Variants in ICA1 observed in about 807,000 individuals in gnomAD.
The protein encoded by ICA1 is 69 kDa islet cell autoantigen.
A neutral mutation model predicts 71.0 loss-of-function variants in ICA1; 40 were observed. That is an observed-to-expected ratio of 0.56 (90% CI 0.44 to 0.73). The LOEUF (loss-of-function observed/expected upper bound fraction) is 0.73, where lower values mean the gene tolerates loss of function less well. ICA1 is among the 30% of genes least tolerant of loss of function. ICA1 has a pLI of 0.00. For synonymous variants in ICA1, 207 were observed against 209.5 expected (o/e 0.99, Z 0.10); for missense variants, 578 against 576.5 (o/e 1.00, Z -0.03).
intron 6 of ICA1, among the ~76,000 whole-genome samples, chr7:8,216,584 C>CA (rs142208758): frequency 9.0e-5 from 13 of 143,718 alleles, no homozygotes; most frequent in Non-Finnish European, 1.4e-4. Context: ...AAAACAAAAC[C>CA]AAAAAAAAAA....
At chr7:8,135,095 C>T (rs191995449) in intron 12 of ICA1, among the ~76,000 whole-genome samples, 8 of 152,146 alleles carry the variant, frequency 5.3e-5, no homozygotes, top group East Asian at 1.9e-4. Context: ...GGTGCAATCT[C>T]GGTTCACTGC....
chr7:8,227,122 T>C (rs1208074103), intron 4 of ICA1, among the ~76,000 whole-genome samples: 1 of 152,224 alleles, frequency 6.6e-6, no homozygotes, highest in Non-Finnish European at 1.5e-5. Context: ...ATTCATTTCA[T>C]GGTGAGTGCT....
chr7:8,124,110 A>C (rs930131464), intron 13 of ICA1, among the ~76,000 whole-genome samples: 1 of 141,466 alleles, frequency 7.1e-6, no homozygotes, highest in Non-Finnish European at 1.5e-5. Context: ...TGAATCATAC[A>C]ATTTTTTTTT....
chr7:8,207,833 T>C (rs547506488), intron 6 of ICA1, among the ~76,000 whole-genome samples: 9 of 152,330 alleles, frequency 5.9e-5, no homozygotes, highest in African/African-American at 1.9e-4. Flanking sequence ...GAATGGAAAC[T>C]ACCAGTTTTC....
chr7:8,215,551 T>G (rs1423460270), intron 6 of ICA1, among the ~76,000 whole-genome samples: 1 of 152,172 alleles, frequency 6.6e-6, no homozygotes, highest in African/African-American at 2.4e-5. Context: ...AAGATGGCAA[T>G]GATCAATCTG....
intron 4 of ICA1, among the ~76,000 whole-genome samples, chr7:8,225,557 A>C (rs957147963): frequency 6.6e-6 from 1 of 152,204 alleles, no homozygotes; most frequent in African/African-American, 2.4e-5. Flanking sequence ...TTTAGAAAGC[A>C]AGATCTGGGT....
intron 12 of ICA1, among the ~76,000 whole-genome samples, chr7:8,135,702 T>C (rs918682792): frequency 6.6e-6 from 1 of 152,212 alleles, no homozygotes; most frequent in African/African-American, 2.4e-5. Flanking sequence ...GACCACAATT[T>C]AGAATCACAA....
At chr7:8,121,864 A>G (rs1173407199) in intron 13 of ICA1, among the ~76,000 whole-genome samples, 1 of 152,228 alleles carries the variant, frequency 6.6e-6, no homozygotes. Context: ...AATATCTCAC[A>G]TACCCCATAA....
rs1801352670 is a variant in ICA1 at position 8,234,872 on chromosome 7, A to G, written c.17+1038T>C. Among the ~76,000 whole-genome samples the G allele has an allele frequency of 6.6e-6, 1 of 152,182 alleles. No homozygotes were observed. The highest frequency in any genetic ancestry group is 2.4e-5 in the African/African-American group (1 of 41,448). ...GGCATTCTCAAGAGTGGGCCATAGA[A>G]TGGATTTCTTTGGCCGGGCGCGGTG... On this transcript the variant is annotated intron_variant, in intron 2 of 13. Transcript: ENST00000402384. The surrounding 1 kb of genome is among the most constrained non-coding windows in gnomAD (Gnocchi z 4.5).
At position 8,232,762 on chromosome 7, in the gene ICA1, A is replaced by G; in HGVS notation, c.18-7T>C. On this transcript the variant is annotated splice_region_variant and splice_polypyrimidine_tract_variant and intron_variant, in intron 2 of 13. Transcript: ENST00000402384. ...TAAGTCCCAGGGATAACTGCTAAAA[A>G]CATTTAAAGAACTATTTTATTCACA... 1 of 1,575,994 alleles carries G rather than the reference A, an allele frequency of 6.3e-7. No individual in the cohort carries two copies. Among genetic ancestry groups the G allele is most frequent in the Non-Finnish European group, 8.6e-7 (1 of 1,163,016 alleles).
chr7:8,144,848 C>A lies in ICA1; in HGVS notation c.805-876G>T, dbSNP rs996319244. Among the ~76,000 whole-genome samples the A allele has an allele frequency of 6.6e-6, 1 of 152,208 alleles. No individual in the cohort carries two copies. Among genetic ancestry groups the A allele is most frequent in the African/African-American group, 2.4e-5 (1 of 41,458 alleles). ...TTCTCAGAACTACTAAAATCCAAGT[C>A]ATGAGCCTGGGGCCTTCACCTTGTT... On this transcript the variant is annotated intron_variant, in intron 8 of 13. Transcript: ENST00000402384. This position sits in a 1 kb window ranked among gnomAD's most constrained non-coding sequence, Gnocchi z 4.5.
chr7:8,214,100 C>A (rs752112423), intron 6 of ICA1, among the ~76,000 whole-genome samples: 1 of 152,202 alleles, frequency 6.6e-6, no homozygotes. Flanking sequence ...TAAATGCCCA[C>A]GTATACATTT....
chr7:8,214,334 T>G (rs1794732376), intron 6 of ICA1, among the ~76,000 whole-genome samples: 1 of 152,208 alleles, frequency 6.6e-6, no homozygotes, highest in South Asian at 2.1e-4. Flanking sequence ...GACTTCTACT[T>G]TTAAATCATA....
Position 8,262,102 on chromosome 7 carries a change from C to T in ICA1, c.-88G>A, listed in dbSNP as rs1488152632. 1 of 152,242 alleles carries T rather than the reference C, an allele frequency of 6.6e-6. No homozygotes were observed. The highest frequency in any genetic ancestry group is 1.5e-5 in the Non-Finnish European group (1 of 68,060). The allele number at this position is 152,242 out of a possible 1,614,324, so 9.4% of individuals were successfully genotyped here. On this transcript the variant is annotated 5_prime_UTR_variant, in exon 1 of 14. Coordinates refer to ENST00000402384, the MANE Select transcript of ICA1 (RefSeq NM_001136020.3). ...CCCCGGAGGGCAGGTACCTCGGAGC[C>T]CCGGCCCCCAGGAGCCTCCCGGCCG... is the stretch of plus-strand genomic sequence containing the variant.
At chr7:8,139,302 T>TC (rs1794434550) in intron 10 of ICA1, among the ~76,000 whole-genome samples, 1 of 152,196 alleles carries the variant, frequency 6.6e-6, no homozygotes, top group Non-Finnish European at 1.5e-5. Flanking sequence ...CAATTCTCCT[T>TC]CCATGGACAA....
chr7:8,246,118 A>T (rs1430396506), intron 1 of ICA1, among the ~76,000 whole-genome samples: 1 of 152,216 alleles, frequency 6.6e-6, no homozygotes, highest in Non-Finnish European at 1.5e-5. Flanking sequence ...CACAGAAAAG[A>T]TGTCCTAAAG....
chr7:8,128,408 TA>T (rs1415434842), intron 12 of ICA1, among the ~76,000 whole-genome samples: 1 of 152,210 alleles, frequency 6.6e-6, no homozygotes, highest in African/African-American at 2.4e-5. Context: ...TTCTTTAATA[TA>T]AAAACAAATT....
chr7:8,197,457 G>C (rs1788045513), intron 6 of ICA1, among the ~76,000 whole-genome samples: 3 of 150,774 alleles, frequency 2.0e-5, no homozygotes, highest in South Asian at 4.2e-4. Flanking sequence ...GGAGACTGGG[G>C]CAGAAGACTC....
At chr7:8,181,874 T>A (rs1782286424) in intron 6 of ICA1, among the ~76,000 whole-genome samples, 1 of 152,164 alleles carries the variant, frequency 6.6e-6, no homozygotes, top group Admixed American at 6.5e-5. Context: ...CAGGAGATTA[T>A]CTGAGTGTTC....
Sources: gnomAD v4.1 joint callset for allele counts (sites outside exome capture counted in the v4.1 genomes callset) on GRCh38, gnomAD v4.1.1 for gene constraint, Gnocchi (gnomAD v3.1) non-coding constraint, MANE v1.5 for transcripts, NCBI Gene and HGNC (gene_info 2026-07-23, HGNC 2026-07-21) for gene names.